The following PDSS2 variants were observed in gnomAD, a reference collection of about 807,000 sequenced individuals.
PDSS2 encodes the protein all trans-polyprenyl-diphosphate synthase PDSS2.
In PDSS2, 31 loss-of-function variants were observed where a neutral mutation model predicts 44.5. The ratio of observed to expected loss-of-function variants is 0.70; its 90% CI spans 0.52 to 0.94. The LOEUF (loss-of-function observed/expected upper bound fraction) is 0.94. Among genes scored for constraint, PDSS2 ranks in the 40% least tolerant of loss-of-function variants. The pLI is 0.00. For missense variants in PDSS2, 452 were observed against 482.2 expected (o/e 0.94, Z 0.59); for synonymous variants, 157 against 180.3 (o/e 0.87, Z 1.03).
intron 3 of PDSS2, among the ~76,000 whole-genome samples, chr6:107,267,446 A>G (rs1775445250): frequency 6.6e-6 from 1 of 152,206 alleles, no homozygotes; most frequent in African/African-American, 2.4e-5. Context: ...AGGGGCAAAG[A>G]ACCACTCACC....
intron 2 of PDSS2, among the ~76,000 whole-genome samples, chr6:107,323,507 T>C (rs1289118237): frequency 1.3e-5 from 2 of 152,156 alleles, no homozygotes; most frequent in African/African-American, 4.8e-5. Flanking sequence ...TTAAGTAACT[T>C]ACTTAAGGTC....
intron 1 of PDSS2, among the ~76,000 whole-genome samples, chr6:107,409,844 A>G (rs991973859): frequency 3.3e-5 from 5 of 152,198 alleles, no homozygotes; most frequent in African/African-American, 1.2e-4. Flanking sequence ...GTACCACTGC[A>G]TTTATGATCA....
intron 6 of PDSS2, among the ~76,000 whole-genome samples, chr6:107,199,935 C>T (rs1478998061): frequency 6.6e-6 from 1 of 152,112 alleles, no homozygotes; most frequent in Non-Finnish European, 1.5e-5. Context: ...CACCCACCTT[C>T]TATTTATAAA....
intron 7 of PDSS2, among the ~76,000 whole-genome samples, chr6:107,166,002 T>C (rs1771331475): frequency 2.0e-5 from 3 of 152,216 alleles, no homozygotes; most frequent in South Asian, 2.1e-4. Context: ...TTGTGATTTT[T>C]GCACTTTGAT....
At chr6:107,420,464 T>G (rs938959649) in intron 1 of PDSS2, among the ~76,000 whole-genome samples, 1 of 152,158 alleles carries the variant, frequency 6.6e-6, no homozygotes, top group Non-Finnish European at 1.5e-5. Context: ...GACAGTATAG[T>G]ATTGGCAGAA....
chr6:107,284,919 A>T (rs1042931814), intron 2 of PDSS2, among the ~76,000 whole-genome samples: 3 of 152,180 alleles, frequency 2.0e-5, no homozygotes, highest in African/African-American at 7.2e-5. Flanking sequence ...TAAACAAAAT[A>T]ATATACAACT....
At chr6:107,308,276 G>A (rs917202444) in intron 2 of PDSS2, among the ~76,000 whole-genome samples, 7 of 151,946 alleles carry the variant, frequency 4.6e-5, no homozygotes, top group Non-Finnish European at 8.8e-5. Context: ...AAGAGAACAG[G>A]TAAAAATGGA....
chr6:107,195,593 C>G (rs1035156061), intron 6 of PDSS2, among the ~76,000 whole-genome samples: 3 of 134,980 alleles, frequency 2.2e-5, no homozygotes, highest in Non-Finnish European at 4.6e-5. Context: ...TGCAGTCTTG[C>G]TCTGTCGTCC....
At chr6:107,431,392 G>A (rs1273991444) in intron 1 of PDSS2, among the ~76,000 whole-genome samples, 4 of 152,080 alleles carry the variant, frequency 2.6e-5, no homozygotes, top group African/African-American at 4.8e-5. Flanking sequence ...TGGGACTACA[G>A]GTGCATGCCA....
intron 1 of PDSS2, among the ~76,000 whole-genome samples, chr6:107,446,487 A>T (rs1289939578): frequency 6.6e-6 from 1 of 152,158 alleles, no homozygotes; most frequent in Non-Finnish European, 1.5e-5. Context: ...CATTTTCAGC[A>T]TCTTTTAACC....
At chr6:107,295,572 A>G (rs1007770940) in intron 2 of PDSS2, among the ~76,000 whole-genome samples, 1 of 152,174 alleles carries the variant, frequency 6.6e-6, no homozygotes, top group Admixed American at 6.5e-5. Context: ...AGAGAGAATC[A>G]TTAAGATTTT....
intron 7 of PDSS2, among the ~76,000 whole-genome samples, chr6:107,159,276 GGGAA>G (rs577617842): frequency 1.3e-4 from 19 of 147,764 alleles, no homozygotes; most frequent in Admixed American, 3.4e-4. Context: ...GCAGTCTTAA[GGGAA>G]GGAAGGAAGG....
At chr6:107,393,778 G>T (rs970039855) in intron 1 of PDSS2, among the ~76,000 whole-genome samples, 2 of 152,068 alleles carry the variant, frequency 1.3e-5, no homozygotes, top group Admixed American at 6.5e-5. Context: ...CAGTTTTTAC[G>T]ATTGAAAGTA....
chr6:107,340,685 T>C lies in PDSS2; in HGVS notation c.297-6353A>G, dbSNP rs72939858. On this transcript the variant is annotated intron_variant, in intron 1 of 7. Transcript: ENST00000369037. ...TAGTTGCTAGAGGTGTCCCTCACAG[T>C]AGAGGCAGCATTCAGATTGAGCCTG... is the stretch of plus-strand genomic sequence containing the variant. Among the ~76,000 whole-genome samples the C allele has an allele frequency of 7.6e-3, 1,162 of 152,260 alleles. 9 individuals are homozygous for C. Among genetic ancestry groups the C allele is most frequent in the Middle Eastern group, 0.051 (15 of 294 alleles).
At chr6:107,286,451 A>C (rs1437065540) in intron 2 of PDSS2, among the ~76,000 whole-genome samples, 1 of 152,088 alleles carries the variant, frequency 6.6e-6, no homozygotes, top group Admixed American at 6.6e-5. Flanking sequence ...CAGAGGTTGC[A>C]GTGAGCTGAG....
At chr6:107,257,194 A>G (rs2114860773) in intron 3 of PDSS2, among the ~76,000 whole-genome samples, 1 of 151,786 alleles carries the variant, frequency 6.6e-6, no homozygotes, top group African/African-American at 2.4e-5. Context: ...ATAAAATAAA[A>G]TGAAATAAAA....
intron 1 of PDSS2, among the ~76,000 whole-genome samples, chr6:107,377,005 A>G (rs1371917134): frequency 1.3e-5 from 2 of 151,464 alleles, no homozygotes; most frequent in Non-Finnish European, 2.9e-5. Context: ...AAAACACCAA[A>G]AGCAATGGCA....
intron 7 of PDSS2, among the ~76,000 whole-genome samples, chr6:107,166,982 C>T (rs1554247642): frequency 6.6e-6 from 1 of 152,148 alleles, no homozygotes; most frequent in African/African-American, 2.4e-5. Context: ...CAGGATAATG[C>T]TGGCCTCATA....
chr6:107,192,374 C>T (rs966420446), intron 7 of PDSS2: 3 of 511,400 alleles, frequency 5.9e-6, no homozygotes, highest in Non-Finnish European at 7.9e-6. Context: ...AGTCTGAGAC[C>T]CCAGGGAAAG....
Sources: allele counts gnomAD v4.1 joint callset (sites outside exome capture counted in the v4.1 genomes callset), GRCh38; gene constraint gnomAD v4.1.1; transcripts MANE v1.5; gene names NCBI Gene and HGNC (gene_info 2026-07-23, HGNC 2026-07-21).